Variants in DGKI observed in about 807,000 individuals in gnomAD.
DGKI encodes the protein DAG kinase iota.
DGKI carries 55 observed loss-of-function variants against 147.5 expected under a neutral mutation model. The observed-to-expected ratio is 0.37, with a 90% CI of 0.30 to 0.47. The LOEUF (loss-of-function observed/expected upper bound fraction) is 0.47. Ranked by LOEUF, DGKI falls within the 20% of genes least tolerant of loss-of-function variation. The pLI, the probability that DGKI is intolerant of heterozygous loss-of-function variation, is 1.00. For missense variants in DGKI, 1,007 were observed against 1,323.8 expected, an observed-to-expected ratio of 0.76 and a Z score of 3.71; for synonymous variants, 469 against 477.1, an observed-to-expected ratio of 0.98 and a Z score of 0.22.
At chr7:137,694,128 T>C (rs1461282549) in intron 1 of DGKI, among the ~76,000 whole-genome samples, 2 of 152,118 alleles carry the variant, frequency 1.3e-5, no homozygotes, top group Non-Finnish European at 2.9e-5. Context: ...GAGACCATCC[T>C]GGCTAACACG....
Position 137,467,577 on chromosome 7 carries a change from T to C in DGKI, c.2444-635A>G, listed in dbSNP as rs142603402. On this transcript the variant is annotated intron_variant, in intron 24 of 32. Transcript: ENST00000614521. ...CTTTCAACCTGCATCCTTAGAGTCATGTCTGAAGGAAGCCAAAACAGCAAA... is the reference window on the plus strand; with the variant it reads ...CTTTCAACCTGCATCCTTAGAGTCACGTCTGAAGGAAGCCAAAACAGCAAA... 2.6e-4 allele frequency among the ~76,000 whole-genome samples: 40 copies of C among 152,316 alleles called. No homozygotes were observed. In the East Asian group the frequency reaches 5.0e-3, roughly 19 times the overall value.
chr7:137,622,696 G>T (rs1251615889), intron 7 of DGKI, among the ~76,000 whole-genome samples: 1 of 152,176 alleles, frequency 6.6e-6, no homozygotes, highest in African/African-American at 2.4e-5. Flanking sequence ...GCCAGACTTG[G>T]CCTACGAGCT....
At chr7:137,419,861 T>C (rs1216101275) in intron 28 of DGKI, among the ~76,000 whole-genome samples, 1 of 152,250 alleles carries the variant, frequency 6.6e-6, no homozygotes, top group Non-Finnish European at 1.5e-5. Context: ...TTTTAACATA[T>C]TAGAACAGAT....
chr7:137,828,437 T>A (rs527573886), intron 1 of DGKI, among the ~76,000 whole-genome samples: 13 of 152,344 alleles, frequency 8.5e-5, no homozygotes, highest in African/African-American at 2.4e-4. Context: ...TGCTTTTTTT[T>A]AAGTACTTTT....
intron 27 of DGKI, among the ~76,000 whole-genome samples, chr7:137,462,670 G>A (rs1282987417): frequency 2.0e-5 from 3 of 152,200 alleles, no homozygotes; most frequent in Admixed American, 2.0e-4. Flanking sequence ...GACTAAGACT[G>A]TGTGGTTACA....
chr7:137,756,483 A>G (rs545248899), intron 1 of DGKI, among the ~76,000 whole-genome samples: 2 of 152,362 alleles, frequency 1.3e-5, no homozygotes, highest in South Asian at 4.1e-4. Context: ...AAAATCTTAC[A>G]ATGTGAGAAA....
chr7:137,724,129 A>G (rs537423558), intron 1 of DGKI, among the ~76,000 whole-genome samples: 2 of 152,276 alleles, frequency 1.3e-5, no homozygotes, highest in South Asian at 4.1e-4. Flanking sequence ...AGACAAAGGT[A>G]ACTTGAAATG....
intron 17 of DGKI, 62 bp from the exon 18 acceptor site, chr7:137,572,900 G>T: frequency 7.9e-7 from 1 of 1,259,776 alleles, no homozygotes; most frequent in Non-Finnish European, 1.1e-6. Context: ...ACCTATGAAA[G>T]ATAACTAGTT....
chr7:137,540,575 A>G (rs1817654420), intron 20 of DGKI, among the ~76,000 whole-genome samples: 1 of 151,938 alleles, frequency 6.6e-6, no homozygotes, highest in Non-Finnish European at 1.5e-5. Context: ...GTCCCCAGCT[A>G]CTCAGGAGGC....
At chr7:137,407,256 A>T (rs1443955447) in intron 30 of DGKI, among the ~76,000 whole-genome samples, 3 of 152,252 alleles carry the variant, frequency 2.0e-5, no homozygotes, top group African/African-American at 7.2e-5. Context: ...GGGTTTTTAG[A>T]GGCAGATGCT....
At chr7:137,645,404 A>G in intron 6 of DGKI, 68 bp downstream of exon 6, 3 of 1,389,348 alleles carry the variant, frequency 2.2e-6, no homozygotes, top group Non-Finnish European at 3.0e-6. Context: ...GACAGGACTC[A>G]TCTACCTCAG....
rs577697909 is a variant in DGKI at position 137,572,857 on chromosome 7, A to G, written c.1762-19T>C. ...CATCACACTGAAACAATGAAAACAG[A>G]AAAGGGGTTTTGAAGTAGTCACAAG... On this transcript the variant is annotated intron_variant, in intron 17 of 32. Transcript: ENST00000614521. 2 of 1,591,278 alleles carry G rather than the reference A, an allele frequency of 1.3e-6. No individual in the cohort carries two copies. Among genetic ancestry groups the G allele is most frequent in the East Asian group, 2.2e-5 (1 of 44,710 alleles).
intron 21 of DGKI, among the ~76,000 whole-genome samples, chr7:137,516,626 G>A (rs1237328739): frequency 2.0e-5 from 3 of 151,246 alleles, no homozygotes; most frequent in Admixed American, 6.6e-5. Flanking sequence ...CCCTGCTCAC[G>A]GTAAGGACTC....
At chr7:137,602,495 T>A (rs985575851) in intron 10 of DGKI, among the ~76,000 whole-genome samples, 5 of 152,210 alleles carry the variant, frequency 3.3e-5, no homozygotes, top group Non-Finnish European at 7.4e-5. Context: ...TATGATTACA[T>A]CTTTTAAAAA....
At chr7:137,831,095 A>G (rs1798203582) in intron 1 of DGKI, among the ~76,000 whole-genome samples, 1 of 152,200 alleles carries the variant, frequency 6.6e-6, no homozygotes. Context: ...AAAACTCTCT[A>G]ACAATTAGAA....
intron 3 of DGKI, among the ~76,000 whole-genome samples, chr7:137,667,677 G>A (rs1055006055): frequency 1.3e-5 from 2 of 152,134 alleles, no homozygotes; most frequent in Admixed American, 1.3e-4. Flanking sequence ...GTTAAGAAGC[G>A]ATATCAAGCT....
intron 21 of DGKI, among the ~76,000 whole-genome samples, chr7:137,499,366 G>C (rs759403759): frequency 1.8e-4 from 27 of 152,032 alleles, no homozygotes; most frequent in Non-Finnish European, 3.2e-4. Context: ...ACTTGACTTG[G>C]CTAAGGGACA....
chr7:137,814,348 T>C (rs2117011236), intron 1 of DGKI, among the ~76,000 whole-genome samples: 1 of 152,316 alleles, frequency 6.6e-6, no homozygotes, highest in African/African-American at 2.4e-5. Flanking sequence ...TCAACTCCTC[T>C]TCTCTTCGAA....
intron 23 of DGKI, among the ~76,000 whole-genome samples, chr7:137,472,495 G>T (rs1054069793): frequency 1.4e-5 from 2 of 141,888 alleles, no homozygotes; most frequent in Non-Finnish European, 3.0e-5. Context: ...ATATATACAC[G>T]TGTATATATT....
Sources: allele counts gnomAD v4.1 joint callset (sites outside exome capture counted in the v4.1 genomes callset), GRCh38; gene constraint gnomAD v4.1.1; transcripts MANE v1.5; gene names NCBI Gene and HGNC (gene_info 2026-07-23, HGNC 2026-07-21).